Variants in C8A observed in about 807,000 individuals in gnomAD.
C8A encodes complement component C8 alpha chain.
C8A carries 67 observed loss-of-function variants against 65.3 expected under a neutral mutation model. That is an observed-to-expected ratio of 1.03 (90% CI 0.84 to 1.26). The LOEUF is 1.26. Ranked by LOEUF, C8A falls within the 50% of genes most tolerant of loss-of-function variation. The probability of loss-of-function intolerance (pLI) is 0.00; values close to 1 mark genes in which losing one functional copy is unlikely to be tolerated. For synonymous variants in C8A, 290 were observed against 259.4 expected, an observed-to-expected ratio of 1.12 and a Z score of -1.13; for missense variants, 781 against 723.9, an observed-to-expected ratio of 1.08 and a Z score of -0.90.
chr1:56,859,354 T>C (rs1252788434), intron 1 of C8A, among the ~76,000 whole-genome samples: 1 of 152,252 alleles, frequency 6.6e-6, no homozygotes, highest in Non-Finnish European at 1.5e-5. Flanking sequence ...TCATAATCTC[T>C]GTCTTCCAGA....
chr1:56,871,256 C>T lies in C8A; in HGVS notation c.171+3554C>T, dbSNP rs1197130619. On this transcript the variant is annotated intron_variant, in intron 2 of 10. Coordinates refer to ENST00000361249, the MANE Select transcript of C8A (RefSeq NM_000562.3). ...ATCATCATCCACTTTGTTTAGGTCA[C>T]CCATTAAGAACATGACAGAGCCTTG... is the stretch of plus-strand genomic sequence containing the variant. 2.6e-5 allele frequency among the ~76,000 whole-genome samples: 4 copies of T among 152,190 alleles called. No homozygotes were observed. In the East Asian group the frequency reaches 7.7e-4, roughly 29 times the overall value.
chr1:56,907,126 A>G (rs1644472538), intron 8 of C8A, among the ~76,000 whole-genome samples: 1 of 152,178 alleles, frequency 6.6e-6, no homozygotes, highest in Non-Finnish European at 1.5e-5. Context: ...CAGAGGGAGG[A>G]AATAAGGCTG....
At chr1:56,868,690 C>A (rs1644115164) in intron 2 of C8A, among the ~76,000 whole-genome samples, 1 of 152,134 alleles carries the variant, frequency 6.6e-6, no homozygotes, top group Non-Finnish European at 1.5e-5. Flanking sequence ...AAATTTCCTT[C>A]AGACTCACAT....
chr1:56,884,077 A>T (rs1428215762), intron 6 of C8A, among the ~76,000 whole-genome samples: 1 of 152,138 alleles, frequency 6.6e-6, no homozygotes. Flanking sequence ...TAAAAAAAAA[A>T]AAAAAAAAAT....
At chr1:56,895,882 G>A (rs940366046) in intron 7 of C8A, among the ~76,000 whole-genome samples, 2 of 152,142 alleles carry the variant, frequency 1.3e-5, no homozygotes, top group Non-Finnish European at 2.9e-5. Context: ...CTGGGAGGTC[G>A]AGGTTGCAGT....
chr1:56,871,171 G>A (rs532487699), intron 2 of C8A, among the ~76,000 whole-genome samples: 1 of 152,272 alleles, frequency 6.6e-6, no homozygotes, highest in East Asian at 1.9e-4. Context: ...CCAGACAATT[G>A]TGCAAATGCC....
intron 1 of C8A, among the ~76,000 whole-genome samples, chr1:56,857,351 T>A (rs1271448480): frequency 6.6e-6 from 1 of 151,828 alleles, no homozygotes; most frequent in Non-Finnish European, 1.5e-5. Context: ...TTCTGACTGC[T>A]TGATAATTTA....
chr1:56,864,901 G>C (rs1644069991), intron 1 of C8A, among the ~76,000 whole-genome samples: 1 of 152,124 alleles, frequency 6.6e-6, no homozygotes, highest in Admixed American at 6.6e-5. Context: ...CCCTTTTACT[G>C]TGTTTACAGT....
At chr1:56,898,368 C>A (rs1360151) in intron 7 of C8A, among the ~76,000 whole-genome samples, 2 of 152,110 alleles carry the variant, frequency 1.3e-5, no homozygotes, top group East Asian at 1.9e-4. Context: ...AGAAGGCCAG[C>A]ATTTCAGTGA....
Position 56,886,125 on chromosome 1 carries a change from G to A in C8A, c.1054G>A (p.Glu352Lys). 1.9e-6 allele frequency: 3 copies of A among 1,613,978 alleles called. No homozygotes were observed. The highest frequency in any genetic ancestry group is 2.5e-6 in the Non-Finnish European group (3 of 1,179,918). Residue 352 changes from glutamate to lysine, a missense_variant, in exon 7 of 11, where the codon GAA (glutamate) becomes AAA (lysine). Coordinates refer to ENST00000361249, the MANE Select transcript of C8A (RefSeq NM_000562.3). ...ITSGSMGGIY[E>K]YILVIDKAKM... ...ATCTGGATCCATGGGTGGCATTTAT[G>A]AATATATCCTGGTGATTGACAAAGC...
intron 1 of C8A, among the ~76,000 whole-genome samples, chr1:56,862,323 C>T (rs543105867): frequency 1.3e-5 from 2 of 151,658 alleles, no homozygotes; most frequent in South Asian, 2.1e-4. Flanking sequence ...TCTTTTACAT[C>T]GGTGTTTCAA....
chr1:56,903,213 C>G (rs7417478), intron 7 of C8A, among the ~76,000 whole-genome samples: 2,038 of 152,252 alleles, frequency 0.013, 63 homozygotes, highest in South Asian at 0.12. Context: ...ATCCCCACGT[C>G]TCATGGGAGG....
At chr1:56,869,274 G>A (rs989151710) in intron 2 of C8A, among the ~76,000 whole-genome samples, 12 of 152,130 alleles carry the variant, frequency 7.9e-5, no homozygotes, top group African/African-American at 2.9e-4. Context: ...GTGATACTTG[G>A]TTTTTAATTC....
intron 4 of C8A, among the ~76,000 whole-genome samples, chr1:56,880,046 GA>G (rs148665511): frequency 6.6e-6 from 1 of 152,288 alleles, no homozygotes; most frequent in African/African-American, 2.4e-5. Flanking sequence ...GGCAACATTT[GA>G]GTTGGCTCCT....
At chr1:56,911,065 GT>G (rs11325191) in intron 9 of C8A, among the ~76,000 whole-genome samples, 4,192 of 141,824 alleles carry the variant, frequency 0.03, 205 homozygotes, top group African/African-American at 0.1. Flanking sequence ...AAAAACATGG[GT>G]TTTTTTTTTT....
At position 56,866,647 on chromosome 1, in the gene C8A, C is replaced by T. The variant is rs189045686; in HGVS notation, c.78-962C>T. Among the ~76,000 whole-genome samples, 20 of 152,348 alleles carry T rather than the reference C, an allele frequency of 1.3e-4. No homozygotes were observed. The East Asian group carries it at 3.7e-3, about 28-fold the overall frequency. ...GCAGTGGCTGCCTGGCTCTCAGAGGCTGTGGTAATTCTAGTGTTAACAGTG... is the reference window on the plus strand; with the variant it reads ...GCAGTGGCTGCCTGGCTCTCAGAGGTTGTGGTAATTCTAGTGTTAACAGTG... On this transcript the variant is annotated intron_variant, in intron 1 of 10. Transcript: ENST00000361249.
rs576635366 is a variant in C8A, at chr1:56,859,099, A to C, written c.77+4121A>C. Among the ~76,000 whole-genome samples the C allele has an allele frequency of 2.0e-4, 31 of 152,338 alleles. 1 individual carries two copies. Among genetic ancestry groups the C allele is most frequent in the Middle Eastern group, 6.8e-3 (2 of 294 alleles). On this transcript the variant is annotated intron_variant, in intron 1 of 10. Transcript: ENST00000361249. ...TTCAGAATACATCTCAGAATGCTTA[A>C]AAAATGCATAGGCTTTGGAGTCTTT...
At chr1:56,882,552 TAGAG>T (rs1255007539) in intron 5 of C8A, among the ~76,000 whole-genome samples, 1 of 152,094 alleles carries the variant, frequency 6.6e-6, no homozygotes, top group African/African-American at 2.4e-5. Flanking sequence ...ATACACTTTC[TAGAG>T]AGAGATAGTA....
chr1:56,890,675 C>T (rs1557708411), intron 7 of C8A, among the ~76,000 whole-genome samples: 1 of 151,942 alleles, frequency 6.6e-6, no homozygotes, highest in Non-Finnish European at 1.5e-5. Context: ...ACTGTTGTTC[C>T]TGTAACTCTC....
Sources: gnomAD v4.1 joint callset for allele counts (sites outside exome capture counted in the v4.1 genomes callset) on GRCh38, gnomAD v4.1.1 for gene constraint, MANE v1.5 for transcripts, NCBI Gene and HGNC (gene_info 2026-07-23, HGNC 2026-07-21) for gene names.